WWP1: variants seen among roughly 807,000 people sequenced by gnomAD.
WWP1 encodes the protein NEDD4-like E3 ubiquitin-protein ligase WWP1.
In WWP1, 49 loss-of-function variants were observed where a neutral mutation model predicts 130.6. The observed-to-expected ratio is 0.38, with a 90% CI of 0.30 to 0.48. WWP1 has a LOEUF of 0.48. Ranked by LOEUF, WWP1 falls within the 20% of genes least tolerant of loss-of-function variation. WWP1 has a pLI of 0.99. For missense variants in WWP1, 809 were observed against 1,100.6 expected, an observed-to-expected ratio of 0.74 and a Z score of 3.75; for synonymous variants, 332 against 367.8, an observed-to-expected ratio of 0.90 and a Z score of 1.11.
intron 15 of WWP1, 53 bp downstream of exon 15, chr8:86,435,580 A>G: frequency 6.2e-7 from 1 of 1,612,262 alleles, no homozygotes; most frequent in Non-Finnish European, 8.5e-7. Flanking sequence ...TTCTCTTTAT[A>G]CAATACATAT....
At chr8:86,418,690 G>T (rs1477641661) in intron 9 of WWP1, among the ~76,000 whole-genome samples, 1 of 152,172 alleles carries the variant, frequency 6.6e-6, no homozygotes, top group African/African-American at 2.4e-5. Context: ...CTGCCTAGGG[G>T]TTTTCTCACT....
chr8:86,429,754 GTTC>G (rs1809831604), intron 11 of WWP1, among the ~76,000 whole-genome samples: 1 of 152,096 alleles, frequency 6.6e-6, no homozygotes, highest in Admixed American at 6.5e-5. Flanking sequence ...TTTCCTATAT[GTTC>G]TTCTCCCATT....
At chr8:86,440,674 G>A (rs754561993) in intron 17 of WWP1, 8 of 454,272 alleles carry the variant, frequency 1.8e-5, no homozygotes, top group Non-Finnish European at 3.5e-5. Context: ...CTTCTATTAT[G>A]TCTTTGAATA....
chr8:86,454,571 A>G (rs1457396489), intron 21 of WWP1, among the ~76,000 whole-genome samples: 1 of 152,112 alleles, frequency 6.6e-6, no homozygotes, highest in Non-Finnish European at 1.5e-5. Context: ...TTCATTTTTA[A>G]TCTGAAGATG....
intron 20 of WWP1, among the ~76,000 whole-genome samples, chr8:86,450,065 A>C (rs1422500473): frequency 6.6e-6 from 1 of 152,228 alleles, no homozygotes; most frequent in Non-Finnish European, 1.5e-5. Flanking sequence ...ACTGGGTCAA[A>C]AAGTATTTAA....
chr8:86,374,416 T>C (rs887985500), intron 3 of WWP1, among the ~76,000 whole-genome samples: 7 of 152,184 alleles, frequency 4.6e-5, no homozygotes, highest in Non-Finnish European at 1.0e-4. Flanking sequence ...TGGAGCAGGA[T>C]GCCAAAGGCC....
At chr8:86,397,709 C>T (rs1807756308) in intron 5 of WWP1, among the ~76,000 whole-genome samples, 2 of 151,952 alleles carry the variant, frequency 1.3e-5, no homozygotes, top group Admixed American at 1.3e-4. Context: ...AGCAAAATGA[C>T]CTTGAGTTTA....
intron 16 of WWP1, among the ~76,000 whole-genome samples, chr8:86,438,002 A>C (rs113377274): frequency 6.6e-6 from 1 of 152,052 alleles, no homozygotes; most frequent in South Asian, 2.1e-4. Flanking sequence ...GGGTTTCACC[A>C]TGTTAGCCAG....
In WWP1 at chr8:86,427,674, G is replaced by A; in HGVS notation, c.1189G>A (p.Val397Ile). The A allele has an allele frequency of 3.7e-6, 6 of 1,613,440 alleles. No individual in the cohort carries two copies. The highest frequency in any genetic ancestry group is 1.1e-5 in the South Asian group (1 of 90,896). Residue 397 changes from valine (V) to isoleucine (I), a missense_variant, in exon 11 of 25, where the codon GTT becomes ATT. Physicochemically the swap from Val to Ile is conservative, Grantham distance 29 (BLOSUM62 3). This residue lies in a region of WWP1 where 450 missense variants were observed against 674.2 expected (regional missense o/e 0.67). Coordinates refer to ENST00000517970, the MANE Select transcript of WWP1 (RefSeq NM_007013.4). ...WERRVDDRRR[V>I]YYVDHNTRTT... ...AAGAAGAGTTGATGATCGTAGAAGA[G>A]TTTATTATGTGGATCATAACACCAG...
intron 2 of WWP1, among the ~76,000 whole-genome samples, chr8:86,372,531 GC>G (rs1414898740): frequency 1.3e-5 from 2 of 152,138 alleles, no homozygotes; most frequent in African/African-American, 2.4e-5. Flanking sequence ...ATAGTTTTCT[GC>G]TGTAATTTAT....
chr8:86,461,507 A>G, intron 23 of WWP1, 187 bp downstream of exon 23: 1 of 636,558 alleles, frequency 1.6e-6, no homozygotes, highest in East Asian at 2.7e-5. Flanking sequence ...ATGTGTCCTC[A>G]TATAGCTGAG....
At position 86,402,176 on chromosome 8, in the gene WWP1, C is replaced by T; in HGVS notation, c.697C>T (p.Leu233Phe). ...RPKNTPAPKP[L>F]ASEPADDTVN... Reference sequence around the variant, plus strand: ...CAAAAATACACCAGCTCCAAAACCACTCGCATCTGAGCCTGCCGATGACAC... The same window carrying T: ...CAAAAATACACCAGCTCCAAAACCATTCGCATCTGAGCCTGCCGATGACAC... Residue 233 changes from leucine to phenylalanine, a missense_variant, in exon 8 of 25, where the codon CTC becomes TTC. Transcript: ENST00000517970. 1 of 1,613,954 alleles carries T rather than the reference C, an allele frequency of 6.2e-7. No individual in the cohort carries two copies. Among genetic ancestry groups the T allele is most frequent in the African/African-American group, 1.3e-5 (1 of 75,034 alleles).
At chr8:86,435,371 T>G in intron 14 of WWP1, 81 bp from the exon 15 acceptor site, 6 of 1,444,482 alleles carry the variant, frequency 4.2e-6, no homozygotes, top group Non-Finnish European at 5.8e-6. Flanking sequence ...TGTTGGACTT[T>G]AGTACACTCT....
chr8:86,429,885 C>T (rs1809838354), intron 11 of WWP1, among the ~76,000 whole-genome samples: 1 of 152,068 alleles, frequency 6.6e-6, no homozygotes, highest in East Asian at 1.9e-4. Flanking sequence ...TGATAGTCTC[C>T]TCTTCGTGAC....
chr8:86,461,524 A>G, intron 23 of WWP1: 2 of 626,562 alleles, frequency 3.2e-6, no homozygotes, highest in South Asian at 2.0e-5. Context: ...TGAGGTGGCC[A>G]TTGCTTTGCT....
At position 86,448,366 on chromosome 8, in the gene WWP1, C is replaced by T; in HGVS notation, c.2133-7C>T. The stretch of plus-strand genomic sequence containing the variant: ...TTAATTAGTGTATATATATTTATTT[C>T]ACCCAGAGATAACAACATTGAAGAA... On this transcript the variant is annotated splice_region_variant and splice_polypyrimidine_tract_variant and intron_variant, in intron 19 of 24. Coordinates refer to ENST00000517970, the MANE Select transcript of WWP1 (RefSeq NM_007013.4). The T allele has an allele frequency of 1.4e-5, 22 of 1,606,548 alleles. No homozygotes were observed. Among genetic ancestry groups the T allele is most frequent in the Non-Finnish European group, 1.9e-5 (22 of 1,177,848 alleles).
chr8:86,343,205 G>C (rs955031604), intron 1 of WWP1: 1 of 176,282 alleles, frequency 5.7e-6, no homozygotes, highest in South Asian at 2.0e-4. Flanking sequence ...GTGTTTCCGT[G>C]ACTCTGCAGC....
intron 14 of WWP1, among the ~76,000 whole-genome samples, chr8:86,433,058 T>C (rs540754196): frequency 2.2e-4 from 34 of 152,292 alleles, no homozygotes; most frequent in African/African-American, 7.9e-4. Flanking sequence ...ACATTGTTAA[T>C]CCAGGCGTTG....
chr8:86,430,459 T>C, intron 11 of WWP1, among the ~76,000 whole-genome samples: 1 of 151,310 alleles, frequency 6.6e-6, no homozygotes, highest in South Asian at 2.1e-4. Context: ...TAAAAAAAAA[T>C]TTTTTTTTAT....
Sources: allele counts gnomAD v4.1 joint callset (sites outside exome capture counted in the v4.1 genomes callset), GRCh38; gene constraint gnomAD v4.1.1; regional missense constraint gnomAD v4.1.1; transcripts MANE v1.5; gene names NCBI Gene and HGNC (gene_info 2026-07-23, HGNC 2026-07-21).